PTGES2: variants seen among roughly 807,000 people sequenced by gnomAD.
The protein encoded by PTGES2 is GATE-binding factor 1.
A neutral mutation model predicts 44.5 loss-of-function variants in PTGES2; 35 were observed. The observed-to-expected ratio is 0.79, with a 90% CI of 0.60 to 1.04. PTGES2 has a LOEUF of 1.04. Among genes scored for constraint, PTGES2 ranks in the 50% least tolerant of loss-of-function variants. The pLI, the probability that PTGES2 is intolerant of heterozygous loss-of-function variation, is 0.00. For synonymous variants in PTGES2, 221 were observed against 227.5 expected (o/e 0.97, Z 0.26); for missense variants, 517 against 521.4 (o/e 0.99, Z 0.08).
At chr9:128,127,246 A>T (rs1834659954) in intron 1 of PTGES2, among the ~76,000 whole-genome samples, 193 bp downstream of exon 1, 1 of 150,716 alleles carries the variant, frequency 6.6e-6, no homozygotes, top group Non-Finnish European at 1.5e-5. Flanking sequence ...TGAGAACTCG[A>T]ACAATTCCAG....
intron 2 of PTGES2, 98 bp from the exon 3 acceptor site, chr9:128,124,648 T>C (rs899509374): frequency 7.3e-7 from 1 of 1,364,282 alleles, no homozygotes; most frequent in Non-Finnish European, 1.0e-6. Flanking sequence ...TGTTTATCCA[T>C]TCCTGGGGAC....
chr9:128,121,687 T>C (rs1834416172), intron 6 of PTGES2, among the ~76,000 whole-genome samples: 2 of 152,052 alleles, frequency 1.3e-5, no homozygotes, highest in African/African-American at 4.8e-5. Context: ...CCAAAGTGGA[T>C]GGATCACCTG....
chr9:128,122,035 G>A (rs1383050284), intron 6 of PTGES2, among the ~76,000 whole-genome samples: 1 of 152,128 alleles, frequency 6.6e-6, no homozygotes, highest in Admixed American at 6.5e-5. Flanking sequence ...GACCCAGCCC[G>A]CCTGAGGCTG....
intron 2 of PTGES2, chr9:128,124,790 C>T (rs1223814017): frequency 2.3e-6 from 3 of 1,311,860 alleles, no homozygotes; most frequent in African/African-American, 3.0e-5. Flanking sequence ...CATTTGGCCT[C>T]CCAGGTAGAG....
chr9:128,126,425 A>G (rs1440674417), intron 1 of PTGES2, among the ~76,000 whole-genome samples: 1 of 152,168 alleles, frequency 6.6e-6, no homozygotes, highest in Non-Finnish European at 1.5e-5. Context: ...TCAGTTCCAT[A>G]AAGGTACCAC....
chr9:128,127,611 G>C lies in PTGES2; in HGVS notation c.107C>G (p.Ala36Gly). Residue 36 changes from alanine (A) to glycine (G), a missense_variant, in exon 1 of 7, where the codon GCT becomes GGT. Coordinates refer to ENST00000338961, the MANE Select transcript of PTGES2 (RefSeq NM_025072.7). ...GCCGCCCGCCGCCCCCGCGAAGCCA[G>C]CCCGGCTCTGCGTGGGTAGCAGCGG... Reference protein sequence around the residue: ...PQPLLPTQSRAGFAGAAGGPS... With the variant: ...PQPLLPTQSRGGFAGAAGGPS... The C allele has an allele frequency of 7.9e-7, 1 of 1,268,836 alleles. No homozygotes were observed. The highest frequency in any genetic ancestry group is 9.9e-7 in the Non-Finnish European group (1 of 1,008,306). 78.6% of individuals were successfully genotyped at this position (1,268,836 alleles called of 1,614,324 possible).
chr9:128,124,511 T>C lies in PTGES2; in HGVS notation c.517A>G (p.Lys173Glu). The C allele has an allele frequency of 6.2e-7, 1 of 1,613,630 alleles. No homozygotes were observed. The highest frequency in any genetic ancestry group is 8.5e-7 in the Non-Finnish European group (1 of 1,179,708). Residue 173 changes from lysine to glutamate, a missense_variant, in exon 3 of 7, where the codon AAG becomes GAG. Physicochemically the swap from Lys to Glu is moderately conservative, Grantham distance 56. Coordinates refer to ENST00000338961, the MANE Select transcript of PTGES2 (RefSeq NM_025072.7). ...NDSSVIISAL[K>E]TYLVSGQPLE... ...CCTTACCCCGACACCAGGTAGGTCT[T>C]GAGGGCGCTGATGATGACAGAGGAG...
chr9:128,124,736 A>G, intron 2 of PTGES2, 186 bp from the exon 3 acceptor site: 1 of 1,336,988 alleles, frequency 7.5e-7, no homozygotes, highest in Non-Finnish European at 9.8e-7. Flanking sequence ...AATGGGGAGG[A>G]AGGTGTGGGA....
Position 128,123,782 on chromosome 9 carries a change from C to T in PTGES2, c.606G>A (p.Val202=). The T allele has an allele frequency of 6.2e-7, 1 of 1,614,150 alleles. No homozygotes were observed. The highest frequency in any genetic ancestry group is 8.5e-7 in the Non-Finnish European group (1 of 1,180,026). The part of the protein sequence containing the change: ...MKAVNEQGKE[V]TEFGNKYWLM... ...GCCAGTACTTATTGCCGAACTCGGT[C>T]ACCTCCTTGCCCTGCTCGTTCACAG... The change falls in exon 4 of 7, where the codon GTG becomes GTA. Residue 202 remains valine (V), a synonymous_variant. Transcript: ENST00000338961. The surrounding 1 kb of genome is among the most constrained non-coding windows in gnomAD (Gnocchi z 4.4).
At chr9:128,128,327 G>C, upstream of PTGES2, 1 of 456,322 alleles carries the variant, frequency 2.2e-6, no homozygotes, top group South Asian at 1.5e-5. Flanking sequence ...GATTTCCAGG[G>C]AGAGGATGGC....
rs1347228412 is a variant in PTGES2 at position 128,123,884 on chromosome 9, C to T, written c.537-33G>A. 2 of 1,603,726 alleles carry T rather than the reference C, an allele frequency of 1.2e-6. No homozygotes were observed. Among genetic ancestry groups the T allele is most frequent in the South Asian group, 1.1e-5 (1 of 90,738 alleles). ...GAGAGCCACAATATCACCCCAACTC[C>T]TTCCCCCTCCGTCCCCTGTGGCCGA... On this transcript the variant is annotated intron_variant, in intron 3 of 6. Transcript: ENST00000338961. The surrounding 1 kb of genome is among the most constrained non-coding windows in gnomAD (Gnocchi z 4.4).
At chr9:128,124,765 C>G in intron 2 of PTGES2, 1 of 1,338,446 alleles carries the variant, frequency 7.5e-7, no homozygotes, top group Non-Finnish European at 9.6e-7. Flanking sequence ...GGGTCTAAGC[C>G]CCAGCCCACT....
chr9:128,128,033 C>T (rs1039392434), upstream of PTGES2: 3 of 386,854 alleles, frequency 7.8e-6, no homozygotes, highest in Middle Eastern at 1.5e-3. Flanking sequence ...TAAAGGGCGG[C>T]GTGGCCGTCT....
At chr9:128,128,432 C>A (rs1474230236), upstream of PTGES2, 1 of 445,502 alleles carries the variant, frequency 2.2e-6, no homozygotes, top group Non-Finnish European at 4.5e-6. Context: ...CCGCGGACAG[C>A]CCCGGGATGG....
At chr9:128,124,783 T>G (rs935175440) in intron 2 of PTGES2, 2 of 1,316,670 alleles carry the variant, frequency 1.5e-6, no homozygotes, top group Middle Eastern at 3.0e-4. Flanking sequence ...ACTCACCCAT[T>G]TGGCCTCCCA....
chr9:128,121,385 G>C, intron 6 of PTGES2, 112 bp from the exon 7 acceptor site: 2 of 1,376,702 alleles, frequency 1.5e-6, no homozygotes, highest in Non-Finnish European at 2.0e-6. Context: ...CTTGGAGCTC[G>C]TGACCCACTC....
chr9:128,127,869 G>T, upstream of PTGES2: 1 of 798,570 alleles, frequency 1.3e-6, no homozygotes, highest in Non-Finnish European at 1.7e-6. Context: ...CTGGGCGTGT[G>T]CCCGGCGCCC....
chr9:128,126,806 A>G (rs1834634745), intron 1 of PTGES2, among the ~76,000 whole-genome samples: 1 of 148,594 alleles, frequency 6.7e-6, no homozygotes, highest in Admixed American at 6.7e-5. Context: ...GTTGCAGTGA[A>G]CCGAGATCGC....
intron 3 of PTGES2, 126 bp downstream of exon 3, chr9:128,124,366 G>A (rs868384408): frequency 1.7e-5 from 13 of 780,206 alleles, no homozygotes; most frequent in South Asian, 6.8e-5. Flanking sequence ...TTACAGGTGC[G>A]AGCCACTCTG....
Sources: gnomAD v4.1 joint callset for allele counts (sites outside exome capture counted in the v4.1 genomes callset) on GRCh38, gnomAD v4.1.1 for gene constraint, Gnocchi (gnomAD v3.1) non-coding constraint, MANE v1.5 for transcripts, NCBI Gene and HGNC (gene_info 2026-07-23, HGNC 2026-07-21) for gene names.